DNMT3A: variants seen among roughly 807,000 people sequenced by gnomAD.
DNMT3A encodes DNA (cytosine-5)-methyltransferase 3A.
A neutral mutation model predicts 117.6 loss-of-function variants in DNMT3A; 267 were observed. The ratio of observed to expected loss-of-function variants is 2.27; its 90% confidence interval spans 2.05 to 2.51. DNMT3A has a LOEUF of 2.51. Ranked by LOEUF, DNMT3A falls within the 30% of genes most tolerant of loss-of-function variation. The pLI, the probability that DNMT3A is intolerant of heterozygous loss-of-function variation, is 0.00. For synonymous variants in DNMT3A, 432 were observed against 474.8 expected (o/e 0.91, Z 1.17); for missense variants, 1,029 against 1,260.2 (o/e 0.82, Z 2.78).
chr2:25,266,349 G>A (rs1358013034), intron 6 of DNMT3A, among the ~76,000 whole-genome samples: 3 of 152,160 alleles, frequency 2.0e-5, no homozygotes, highest in African/African-American at 4.8e-5. Flanking sequence ...CAGTCCAAAT[G>A]CTCTAAAACT....
rs1204739371 is a variant in DNMT3A at position 25,300,681 on chromosome 2, T to C, written c.73-438A>G. 1.6e-3 allele frequency among the ~76,000 whole-genome samples: 82 copies of C among 51,572 alleles called. 3 individuals are homozygous for C. Among genetic ancestry groups the C allele is most frequent in the African/African-American group, 5.3e-3 (76 of 14,324 alleles). 33.8% of individuals were successfully genotyped at this position (51,572 alleles called of 152,430 possible). A position where few individuals can be genotyped will look rare whatever the true frequency, so the allele number is the denominator to read the frequency against. On this transcript the variant is annotated intron_variant, in intron 2 of 22. Coordinates refer to ENST00000321117, the MANE Select transcript of DNMT3A (RefSeq NM_022552.5). ...AATAATATATTATTTAGATATATATTTAGATATATATTTATATATCTAAAT... is the reference window on the plus strand; with the variant it reads ...AATAATATATTATTTAGATATATATCTAGATATATATTTATATATCTAAAT...
intron 1 of DNMT3A, among the ~76,000 whole-genome samples, chr2:25,324,314 T>C (rs1336039325): frequency 6.6e-6 from 1 of 152,202 alleles, no homozygotes; most frequent in Non-Finnish European, 1.5e-5. Flanking sequence ...ATAGAAGACA[T>C]GGAGGCTTAA....
chr2:25,251,990 G>C (rs898806992), intron 6 of DNMT3A: 1 of 604,442 alleles, frequency 1.7e-6, no homozygotes, highest in Non-Finnish European at 2.7e-6. Flanking sequence ...GAGGAGTGGG[G>C]CCTTGGGGCT....
At chr2:25,245,941 T>C in intron 12 of DNMT3A, 79 bp downstream of exon 12, 1 of 1,593,638 alleles carries the variant, frequency 6.3e-7, no homozygotes, top group Non-Finnish European at 8.6e-7. Context: ...TCCCATGTCA[T>C]TCAAACCTTC....
chr2:25,313,422 G>T (rs1223498877), intron 2 of DNMT3A, among the ~76,000 whole-genome samples: 1 of 152,226 alleles, frequency 6.6e-6, no homozygotes, highest in Non-Finnish European at 1.5e-5. Context: ...AGCCCAGCCT[G>T]TGCCTCCGTC....
rs551613626 is a variant in DNMT3A at position 25,281,101 on chromosome 2, G to C, written c.448+1340C>G. On this transcript the variant is annotated intron_variant, in intron 4 of 22. Coordinates refer to ENST00000321117, the MANE Select transcript of DNMT3A (RefSeq NM_022552.5). This position sits in a 1 kb window ranked among gnomAD's most constrained non-coding sequence, Gnocchi z 4.8. ...TTCCTCATCTGTTTCACTCCCCTCA[G>C]GCCCTTCCCACTCTCGGGAAGTATC... Among the ~76,000 whole-genome samples, 1 of 152,082 alleles carries C rather than the reference G, an allele frequency of 6.6e-6. No individual in the cohort carries two copies. Among genetic ancestry groups the C allele is most frequent in the Non-Finnish European group, 1.5e-5 (1 of 68,024 alleles).
intron 1 of DNMT3A, among the ~76,000 whole-genome samples, chr2:25,331,165 T>A (rs1258142435): frequency 3.9e-5 from 6 of 152,248 alleles, no homozygotes; most frequent in Non-Finnish European, 5.9e-5. Context: ...GATCTTCCAA[T>A]GACACGCAGC....
At chr2:25,340,271 C>A (rs2035365075) in intron 1 of DNMT3A, among the ~76,000 whole-genome samples, 1 of 152,186 alleles carries the variant, frequency 6.6e-6, no homozygotes, top group African/African-American at 2.4e-5. Flanking sequence ...GCACTGCTCC[C>A]CGCCCAGGGC....
In DNMT3A at chr2:25,247,962, A is replaced by G. The variant is rs961311615; in HGVS notation, c.855+75T>C. On this transcript the variant is annotated intron_variant, in intron 7 of 22. Coordinates refer to ENST00000321117, the MANE Select transcript of DNMT3A (RefSeq NM_022552.5). This position sits in a 1 kb window ranked among gnomAD's most constrained non-coding sequence, Gnocchi z 5.6. ...GCGGCCCGTGGGAGATGGAGAGAGG[A>G]GAGCAGGACGGGAGGAGCTGGCAGT... is the stretch of plus-strand genomic sequence containing the variant. 1.3e-6 allele frequency: 2 copies of G among 1,595,092 alleles called. No individual in the cohort carries two copies. Among genetic ancestry groups the G allele is most frequent in the Non-Finnish European group, 1.7e-6 (2 of 1,170,512 alleles).
intron 4 of DNMT3A, among the ~76,000 whole-genome samples, chr2:25,280,031 T>G (rs72847076): frequency 0.014 from 2,126 of 152,118 alleles, 38 homozygotes; most frequent in African/African-American, 0.043. Flanking sequence ...TTAAAGAGTT[T>G]TTGCCCACCA....
At chr2:25,289,749 C>T (rs373790213) in intron 3 of DNMT3A, among the ~76,000 whole-genome samples, 2 of 152,188 alleles carry the variant, frequency 1.3e-5, no homozygotes, top group African/African-American at 2.4e-5. Context: ...CCCTGAGCAG[C>T]GCTCAATTCA....
intron 1 of DNMT3A, among the ~76,000 whole-genome samples, chr2:25,329,010 G>GT (rs2034905444): frequency 6.6e-6 from 1 of 152,124 alleles, no homozygotes; most frequent in South Asian, 2.1e-4. Flanking sequence ...AAACCAGGAG[G>GT]TCCCCCAAAG....
intron 1 of DNMT3A, among the ~76,000 whole-genome samples, chr2:25,317,380 T>TA (rs1366792946): frequency 6.6e-6 from 1 of 151,992 alleles, no homozygotes; most frequent in East Asian, 1.9e-4. Flanking sequence ...TTTTAAGACA[T>TA]AAAATCACAA....
At chr2:25,242,020 G>C in intron 16 of DNMT3A, 1 of 380,708 alleles carries the variant, frequency 2.6e-6, no homozygotes, top group South Asian at 3.3e-5. Flanking sequence ...TTTCTTTGTT[G>C]TTGTCCGTCT....
intron 1 of DNMT3A, among the ~76,000 whole-genome samples, chr2:25,323,921 C>T (rs570840592): frequency 3.3e-5 from 5 of 152,182 alleles, no homozygotes; most frequent in Admixed American, 2.0e-4. Context: ...CAAGGTCACA[C>T]AGTGGGTAAG....
At position 25,247,399 on chromosome 2, in the gene DNMT3A, G is replaced by A; in HGVS notation, c.1014+192C>T. ...TTCCTGGAAGGCTAAAACTGGGCCA[G>A]CATCCTAGCTCTCTGAGCCACAGGT... On this transcript the variant is annotated intron_variant, in intron 8 of 22. Transcript: ENST00000321117. The surrounding 1 kb of genome is among the most constrained non-coding windows in gnomAD (Gnocchi z 5.6). 1.1e-6 allele frequency: 1 copy of A among 950,930 alleles called. No individual in the cohort carries two copies. Among genetic ancestry groups the A allele is most frequent in the Non-Finnish European group, 1.5e-6 (1 of 651,248 alleles). 58.9% of individuals were successfully genotyped at this position (950,930 alleles called of 1,614,324 possible).
intron 1 of DNMT3A, among the ~76,000 whole-genome samples, chr2:25,325,260 G>A (rs574908624): frequency 1.1e-4 from 16 of 152,312 alleles, no homozygotes; most frequent in Middle Eastern, 3.4e-3. Context: ...CTGCAAGCCA[G>A]GAGAAGCCCT....
chr2:25,338,661 T>C (rs1016435779), intron 1 of DNMT3A, among the ~76,000 whole-genome samples: 1 of 152,158 alleles, frequency 6.6e-6, no homozygotes, highest in Non-Finnish European at 1.5e-5. Context: ...AAGGCCCCTG[T>C]TTCCTGGAGA....
intron 14 of DNMT3A, 36 bp downstream of exon 14, chr2:25,244,504 A>T: frequency 6.2e-7 from 1 of 1,609,624 alleles, no homozygotes. Flanking sequence ...CCTGGGGCCC[A>T]GCTAAGGAGA....
Sources: allele counts gnomAD v4.1 joint callset (sites outside exome capture counted in the v4.1 genomes callset), GRCh38; gene constraint gnomAD v4.1.1; non-coding constraint Gnocchi (gnomAD v3.1); transcripts MANE v1.5; gene names NCBI Gene and HGNC (gene_info 2026-07-23, HGNC 2026-07-21).